The following KTN1 variants were observed in gnomAD, a reference collection of about 807,000 sequenced individuals.
KTN1 encodes kinectin 1.
KTN1 carries 130 observed loss-of-function variants against 222.5 expected under a neutral mutation model. That is an observed-to-expected ratio of 0.58 (90% CI 0.51 to 0.68). The LOEUF (loss-of-function observed/expected upper bound fraction) is 0.68, where lower values mean the gene tolerates loss of function less well. KTN1 is among the 30% of genes least tolerant of loss of function. The pLI, the probability that KTN1 is intolerant of heterozygous loss-of-function variation, is 0.00. For missense variants in KTN1, 1,508 were observed against 1,500.4 expected (o/e 1.01, Z -0.08); for synonymous variants, 512 against 496.3 (o/e 1.03, Z -0.42).
intron 31 of KTN1, among the ~76,000 whole-genome samples, chr14:55,660,283 T>C (rs986762824): frequency 6.6e-6 from 1 of 151,186 alleles, no homozygotes; most frequent in African/African-American, 2.4e-5. Flanking sequence ...GAGGCTGAAG[T>C]GGGAGGATCT....
intron 1 of KTN1, among the ~76,000 whole-genome samples, chr14:55,590,578 C>G (rs961958923): frequency 6.6e-6 from 1 of 151,858 alleles, no homozygotes; most frequent in South Asian, 2.1e-4. Flanking sequence ...AGTTGTATCC[C>G]TATTTTGTTG....
At chr14:55,665,977 C>T (rs552310096) in intron 33 of KTN1, among the ~76,000 whole-genome samples, 2 of 151,954 alleles carry the variant, frequency 1.3e-5, no homozygotes, top group African/African-American at 2.4e-5. Context: ...TTTTCCTAAC[C>T]GGTTTTCTTT....
In KTN1 at chr14:55,681,998, G is replaced by A. The variant is rs572918865; in HGVS notation, c.4070-2101G>A. ...CACATTTCTCAATCATTAGAATGTA[G>A]GTAATAGCTTAATATATCTAATGTC... On this transcript the variant is annotated intron_variant, in intron 43 of 43. Transcript: ENST00000395314. 2.6e-5 allele frequency: 4 copies of A among 152,182 alleles called. No individual in the cohort carries two copies. The South Asian group carries it at 8.3e-4, about 32-fold the overall frequency. 9.4% of individuals were successfully genotyped at this position (152,182 alleles called of 1,614,324 possible).
rs370256596 is a variant in KTN1 at position 55,637,377 on chromosome 14, CTTT to C, written c.1716+24_1716+26del. On this transcript the variant is annotated intron_variant, in intron 11 of 43. Transcript: ENST00000395314. ...AATGCAGGTTCAGGTATTTTTTCTT[CTTT>C]TTTTTTTTTTAAAAAAATACAGGTG... 3.9e-5 allele frequency: 47 copies of C among 1,206,386 alleles called. No individual in the cohort carries two copies. Among genetic ancestry groups the C allele is most frequent in the African/African-American group, 3.5e-4 (22 of 61,998 alleles). The allele number at this position is 1,206,386 out of a possible 1,614,324, so 74.7% of individuals were successfully genotyped here. A position where few individuals can be genotyped will look rare whatever the true frequency, so the allele number is the denominator to read the frequency against.
intron 18 of KTN1, chr14:55,644,494 A>G: frequency 1.5e-6 from 1 of 680,628 alleles, no homozygotes; most frequent in South Asian, 1.5e-5. Flanking sequence ...ATTTGGATTT[A>G]GGCTTGCAGA....
chr14:55,613,339 A>G (rs2140641811), intron 2 of KTN1, among the ~76,000 whole-genome samples: 1 of 151,952 alleles, frequency 6.6e-6, no homozygotes, highest in South Asian at 2.1e-4. Flanking sequence ...GGGGAGGGAG[A>G]TTCCAGGGAA....
intron 41 of KTN1, among the ~76,000 whole-genome samples, chr14:55,677,805 T>C (rs1427963044): frequency 6.6e-6 from 1 of 152,214 alleles, no homozygotes; most frequent in Non-Finnish European, 1.5e-5. Context: ...TTCAGTTGAT[T>C]CTCCTTCCTC....
intron 18 of KTN1, chr14:55,644,533 C>G (rs1022861468): frequency 9.5e-6 from 5 of 524,096 alleles, no homozygotes; most frequent in Admixed American, 2.8e-5. Flanking sequence ...AAATCATTTA[C>G]TAATATTTCA....
At chr14:55,613,528 C>G (rs1410078925) in intron 2 of KTN1, among the ~76,000 whole-genome samples, 5 of 144,644 alleles carry the variant, frequency 3.5e-5, no homozygotes, top group Non-Finnish European at 7.5e-5. Context: ...GAGTCTCACA[C>G]TCTCACCCAG....
At chr14:55,597,027 G>A (rs2035161289) in intron 1 of KTN1, among the ~76,000 whole-genome samples, 1 of 151,772 alleles carries the variant, frequency 6.6e-6, no homozygotes, top group Non-Finnish European at 1.5e-5. Flanking sequence ...AACACAAATA[G>A]GATTAGTATA....
At chr14:55,604,867 G>A (rs1320705910) in intron 1 of KTN1, among the ~76,000 whole-genome samples, 3 of 152,210 alleles carry the variant, frequency 2.0e-5, no homozygotes, top group Non-Finnish European at 2.9e-5. Flanking sequence ...ATAAGGTGAA[G>A]TGCTTTAAAT....
chr14:55,589,665 T>TTTC (rs1362097917), intron 1 of KTN1, among the ~76,000 whole-genome samples: 1 of 142,664 alleles, frequency 7.0e-6, no homozygotes, highest in Non-Finnish European at 1.5e-5. Context: ...TCTTTTTTTT[T>TTTC]TTTTTTTTTT....
chr14:55,677,521 G>A (rs182503495), intron 41 of KTN1, among the ~76,000 whole-genome samples: 170 of 151,192 alleles, frequency 1.1e-3, no homozygotes, highest in Middle Eastern at 3.4e-3. Flanking sequence ...TGTAAAATAG[G>A]TAAGTATAAA....
chr14:55,684,089 T>C lies in KTN1; in HGVS notation c.4070-10T>C. 6.2e-7 allele frequency: 1 copy of C among 1,600,444 alleles called. No individual in the cohort carries two copies. The highest frequency in any genetic ancestry group is 1.1e-5 in the South Asian group (1 of 89,058). On this transcript the variant is annotated splice_polypyrimidine_tract_variant and intron_variant, in intron 43 of 43. Coordinates refer to ENST00000395314, the MANE Select transcript of KTN1 (RefSeq NM_001079521.2). The stretch of plus-strand genomic sequence containing the variant: ...TTAAAGTGAAATTCATTCTTTCTGA[T>C]CTTTTACAGAGTGAAGTAATTGGGA...
intron 33 of KTN1, among the ~76,000 whole-genome samples, chr14:55,664,587 A>G (rs986537861): frequency 6.6e-6 from 1 of 152,142 alleles, no homozygotes; most frequent in Non-Finnish European, 1.5e-5. Flanking sequence ...GACACATGGC[A>G]TGTTTAGATG....
In KTN1 at chr14:55,684,262, G is replaced by GA. The variant is rs560491576; in HGVS notation, c.*169dup. On this transcript the variant is annotated 3_prime_UTR_variant, in exon 44 of 44. Coordinates refer to ENST00000395314, the MANE Select transcript of KTN1 (RefSeq NM_001079521.2). Reference sequence around the variant, plus strand: ...TTGTTAGACTACTGATTTAAAGAAGGAAAAAAAAAAGCCAACTCTGTAGAC... The same window carrying GA: ...TTGTTAGACTACTGATTTAAAGAAGGAAAAAAAAAAAGCCAACTCTGTAGAC... The GA allele has an allele frequency of 8.3e-3, 3,452 of 413,798 alleles. No homozygotes were observed. Among genetic ancestry groups the GA allele is most frequent in the South Asian group, 0.016 (259 of 15,786 alleles). 25.6% of individuals were successfully genotyped at this position (413,798 alleles called of 1,614,324 possible).
chr14:55,580,865 C>G (rs544285414), intron 1 of KTN1, among the ~76,000 whole-genome samples: 1 of 152,212 alleles, frequency 6.6e-6, no homozygotes, highest in East Asian at 1.9e-4. Flanking sequence ...GAGTTCCAGT[C>G]CTCGCCGCTG....
chr14:55,649,477 G>A (rs986232586), intron 21 of KTN1, among the ~76,000 whole-genome samples: 3 of 152,168 alleles, frequency 2.0e-5, no homozygotes, highest in African/African-American at 7.2e-5. Flanking sequence ...GAGGCCGCCT[G>A]AAATTAGGCA....
intron 18 of KTN1, chr14:55,644,317 T>C (rs2042080455): frequency 7.2e-6 from 5 of 695,634 alleles, no homozygotes; most frequent in Non-Finnish European, 1.3e-5. Flanking sequence ...ATGTAAAAAT[T>C]TCAGTCCTTT....
Sources: allele counts gnomAD v4.1 joint callset (sites outside exome capture counted in the v4.1 genomes callset), GRCh38; gene constraint gnomAD v4.1.1; transcripts MANE v1.5; gene names NCBI Gene and HGNC (gene_info 2026-07-23, HGNC 2026-07-21).